The following CACHD1 variants were observed in gnomAD, a reference collection of about 807,000 sequenced individuals.
The protein encoded by CACHD1 is cache domain containing 1, also known as VWFA and cache domain-containing protein 1.
In CACHD1, 71 loss-of-function variants were observed where a neutral mutation model predicts 138.7. That is an observed-to-expected ratio of 0.51 (90% confidence interval 0.42 to 0.62). CACHD1 has a LOEUF of 0.62. Ranked by LOEUF, CACHD1 falls within the 20% of genes least tolerant of loss-of-function variation. The probability of loss-of-function intolerance (pLI) is 0.00; values close to 1 mark genes in which losing one functional copy is unlikely to be tolerated. For missense variants in CACHD1, 1,389 were observed against 1,625.3 expected, an observed-to-expected ratio of 0.85 and a Z score of 2.50; for synonymous variants, 578 against 591.5, an observed-to-expected ratio of 0.98 and a Z score of 0.33.
intron 2 of CACHD1, among the ~76,000 whole-genome samples, chr1:64,574,810 G>A (rs556328825): frequency 4.1e-4 from 62 of 152,010 alleles, no homozygotes; most frequent in East Asian, 3.9e-4. Context: ...AACTTGCCTC[G>A]TCTCCTTCAG....
intron 1 of CACHD1, among the ~76,000 whole-genome samples, chr1:64,499,174 G>T (rs1646323706): frequency 6.6e-6 from 1 of 152,172 alleles, no homozygotes; most frequent in Non-Finnish European, 1.5e-5. Context: ...TTGTACAACT[G>T]TTGGTTGTTT....
At chr1:64,530,386 G>A (rs767466597) in intron 1 of CACHD1, among the ~76,000 whole-genome samples, 6 of 152,108 alleles carry the variant, frequency 3.9e-5, no homozygotes, top group African/African-American at 7.2e-5. Context: ...AACTAAGGTC[G>A]TTGACAAGAT....
intron 1 of CACHD1, among the ~76,000 whole-genome samples, chr1:64,545,276 A>T (rs995774306): frequency 6.6e-6 from 1 of 152,342 alleles, no homozygotes; most frequent in South Asian, 2.1e-4. Flanking sequence ...ATCTTGATGA[A>T]TTCTCACAAA....
chr1:64,656,948 A>G (rs1052407212), intron 12 of CACHD1, among the ~76,000 whole-genome samples: 5 of 152,202 alleles, frequency 3.3e-5, no homozygotes, highest in Non-Finnish European at 4.4e-5. Flanking sequence ...AGCTTATCCT[A>G]AGGACAATTG....
intron 3 of CACHD1, among the ~76,000 whole-genome samples, chr1:64,591,901 AC>A (rs1647109486): frequency 6.6e-6 from 1 of 152,138 alleles, no homozygotes; most frequent in South Asian, 2.1e-4. Context: ...TAGTTCAGGG[AC>A]CCTGTCAGAT....
chr1:64,583,662 T>C (rs1367593172), intron 3 of CACHD1, among the ~76,000 whole-genome samples: 3 of 152,298 alleles, frequency 2.0e-5, no homozygotes. Context: ...CTGGGTAATT[T>C]ATAAAGGAAA....
chr1:64,639,547 G>C (rs1463013626), intron 7 of CACHD1, among the ~76,000 whole-genome samples: 2 of 152,170 alleles, frequency 1.3e-5, no homozygotes, highest in Admixed American at 1.3e-4. Flanking sequence ...TAAGTATTAG[G>C]AGTAAATAAG....
intron 1 of CACHD1, among the ~76,000 whole-genome samples, chr1:64,546,140 C>T (rs1036487602): frequency 6.6e-6 from 1 of 152,082 alleles, no homozygotes. Context: ...GTTGTGTTCA[C>T]AGTAAGAGTT....
In CACHD1 at chr1:64,568,845, ATATC is replaced by A. The variant is rs558441916; in HGVS notation, c.262-13307_262-13304del. Among the ~76,000 whole-genome samples, 13 of 152,238 alleles carry A rather than the reference ATATC, an allele frequency of 8.5e-5. No individual in the cohort carries two copies. The South Asian group carries it at 2.5e-3, about 29-fold the overall frequency. On this transcript the variant is annotated intron_variant, in intron 2 of 26. Transcript: ENST00000651257. Reference sequence around the variant, plus strand: ...AACCATGTACACACAAAAGCAATATATATCTATTGTTTACAGTTATTAATTGTAC... The same window carrying A: ...AACCATGTACACACAAAAGCAATATATATTGTTTACAGTTATTAATTGTAC...
intron 1 of CACHD1, among the ~76,000 whole-genome samples, chr1:64,512,585 A>C (rs1646430136): frequency 6.6e-6 from 1 of 152,082 alleles, no homozygotes. Context: ...GGACAGACAC[A>C]CACACCCCTG....
At chr1:64,646,123 G>GT (rs1323251046) in intron 8 of CACHD1, among the ~76,000 whole-genome samples, 2 of 152,056 alleles carry the variant, frequency 1.3e-5, no homozygotes, top group Non-Finnish European at 2.9e-5. Flanking sequence ...AGTAGATATT[G>GT]TTTTCTTTTA....
At chr1:64,616,895 G>A (rs1042759996) in intron 4 of CACHD1, among the ~76,000 whole-genome samples, 11 of 152,004 alleles carry the variant, frequency 7.2e-5, no homozygotes, top group African/African-American at 2.7e-4. Context: ...GTAGAGAATC[G>A]GTGTAGACCA....
At chr1:64,578,154 T>C (rs1646983886) in intron 2 of CACHD1, among the ~76,000 whole-genome samples, 1 of 152,242 alleles carries the variant, frequency 6.6e-6, no homozygotes, top group Middle Eastern at 3.2e-3. Flanking sequence ...CTTTTAGGTT[T>C]GGTTTGTCTG....
chr1:64,661,137 T>A (rs1649428592), intron 13 of CACHD1, among the ~76,000 whole-genome samples: 1 of 152,018 alleles, frequency 6.6e-6, no homozygotes, highest in African/African-American at 2.4e-5. Flanking sequence ...AAAAAGGGAA[T>A]AGGAAATATG....
At chr1:64,522,508 A>G (rs868118763) in intron 1 of CACHD1, among the ~76,000 whole-genome samples, 1 of 152,100 alleles carries the variant, frequency 6.6e-6, no homozygotes, top group South Asian at 2.1e-4. Flanking sequence ...GGATTTTACC[A>G]TGTTAGCCAG....
chr1:64,562,882 G>A (rs369289874), intron 2 of CACHD1, among the ~76,000 whole-genome samples: 9 of 152,144 alleles, frequency 5.9e-5, no homozygotes, highest in African/African-American at 2.2e-4. Flanking sequence ...TCTGTTGACT[G>A]TCTTTTTTCT....
intron 1 of CACHD1, among the ~76,000 whole-genome samples, chr1:64,480,427 A>C (rs1484888997): frequency 6.6e-6 from 1 of 152,176 alleles, no homozygotes. Flanking sequence ...ACATAGTAGT[A>C]TACATTCCTC....
intron 2 of CACHD1, among the ~76,000 whole-genome samples, chr1:64,556,294 G>A (rs1646796596): frequency 6.6e-6 from 1 of 152,200 alleles, no homozygotes; most frequent in Admixed American, 6.5e-5. Flanking sequence ...ACCGCTTATA[G>A]GATTTGTTTG....
At chr1:64,637,510 T>C (rs1239125903) in intron 7 of CACHD1, among the ~76,000 whole-genome samples, 1 of 152,238 alleles carries the variant, frequency 6.6e-6, no homozygotes, top group Non-Finnish European at 1.5e-5. Context: ...GAGACCTCAT[T>C]AAATCTCTTC....
Sources: allele counts gnomAD v4.1 joint callset (sites outside exome capture counted in the v4.1 genomes callset), GRCh38; gene constraint gnomAD v4.1.1; transcripts MANE v1.5; gene names NCBI Gene and HGNC (gene_info 2026-07-23, HGNC 2026-07-21).